ICA1L: variants seen among roughly 807,000 people sequenced by gnomAD.
ICA1L encodes islet cell autoantigen 1 like, also known as islet cell autoantigen 1-like protein.
Under a neutral mutation model 61.3 loss-of-function variants are expected in ICA1L, and 50 were observed. That is an observed-to-expected ratio of 0.82 (90% CI 0.65 to 1.03). The LOEUF is 1.03. Among genes scored for constraint, ICA1L ranks in the 50% least tolerant of loss-of-function variants. ICA1L has a pLI of 0.00. For synonymous variants in ICA1L, 161 were observed against 191.3 expected (o/e 0.84, Z 1.31); for missense variants, 508 against 556.7 (o/e 0.91, Z 0.88).
chr2:202,784,017 A>C (rs2105817021), intron 12 of ICA1L, among the ~76,000 whole-genome samples: 1 of 152,340 alleles, frequency 6.6e-6, no homozygotes, highest in Middle Eastern at 3.4e-3. Flanking sequence ...TCTTTCTATA[A>C]GTCTGAAATT....
chr2:202,870,900 G>C (rs567016138), intron 1 of ICA1L: 1 of 152,296 alleles, frequency 6.6e-6, no homozygotes, highest in African/African-American at 2.4e-5. Flanking sequence ...GTCTTCCTTA[G>C]AGCATCAGGT....
Position 202,855,005 on chromosome 2 carries a change from C to T in ICA1L, c.-8+16614G>A, listed in dbSNP as rs116890254. On this transcript the variant is annotated intron_variant, in intron 1 of 12. Transcript: ENST00000358299. ...ACAAAAAAAGAAACTCACTCAAAAC[C>T]GTACAGCTACATGGAAACTAAACAA... Among the ~76,000 whole-genome samples, 103 of 152,204 alleles carry T rather than the reference C, an allele frequency of 6.8e-4. 1 individual carries two copies. In the East Asian group the frequency reaches 0.017, roughly 25 times the overall value.
chr2:202,816,599 G>A (rs1693543341), intron 6 of ICA1L, among the ~76,000 whole-genome samples: 1 of 152,158 alleles, frequency 6.6e-6, no homozygotes, highest in South Asian at 2.1e-4. Context: ...CATAGCTATT[G>A]TGTTTCAGGC....
Position 202,776,685 on chromosome 2 carries a change from A to G in ICA1L, c.*2848T>C, listed in dbSNP as rs1368416522. 4 of 152,238 alleles carry G rather than the reference A, an allele frequency of 2.6e-5. No individual in the cohort carries two copies. The highest frequency in any genetic ancestry group is 4.8e-5 in the African/African-American group (2 of 41,462). The allele number at this position is 152,238 out of a possible 1,614,324, so 9.4% of individuals were successfully genotyped here. A position where few individuals can be genotyped will look rare whatever the true frequency, so the allele number is the denominator to read the frequency against. The stretch of plus-strand genomic sequence containing the variant: ...AATATAGTTACTGATATGCTCTTCA[A>G]AAACAGTGGTTGGACTTGTTGGAAG... On this transcript the variant is annotated 3_prime_UTR_variant, in exon 13 of 13. Coordinates refer to ENST00000358299, the MANE Select transcript of ICA1L (RefSeq NM_001288622.3).
intron 1 of ICA1L, 194 bp from the exon 2 acceptor site, chr2:202,829,210 G>A: frequency 3.2e-6 from 1 of 310,592 alleles, no homozygotes; most frequent in Non-Finnish European, 5.8e-6. Context: ...AATTAGCCGG[G>A]CATGGTGGCG....
intron 9 of ICA1L, among the ~76,000 whole-genome samples, chr2:202,809,801 C>T (rs1039529025): frequency 1.1e-4 from 17 of 151,530 alleles, no homozygotes; most frequent in African/African-American, 4.1e-4. Flanking sequence ...AAAACAAAAA[C>T]GAAAAAAGAA....
chr2:202,799,580 T>C (rs1445987725), intron 9 of ICA1L, among the ~76,000 whole-genome samples: 2 of 152,200 alleles, frequency 1.3e-5, no homozygotes, highest in African/African-American at 4.8e-5. Context: ...GCTACACTGT[T>C]GATAATTTAT....
At chr2:202,797,132 T>TTGTGTGTGTGTG (rs58006631) in intron 9 of ICA1L, among the ~76,000 whole-genome samples, 168 bp from the exon 10 acceptor site, 8,340 of 147,632 alleles carry the variant, frequency 0.056, 348 homozygotes, top group East Asian at 0.19. Flanking sequence ...AAAATCACAT[T>TTGTGTGTGTGTG]TGTGTGTGTG....
At chr2:202,793,774 G>C (rs1328735991) in intron 10 of ICA1L, among the ~76,000 whole-genome samples, 1 of 151,776 alleles carries the variant, frequency 6.6e-6, no homozygotes, top group East Asian at 1.9e-4. Context: ...AGCACCTGAG[G>C]TCAGGAGTTT....
At chr2:202,797,780 C>A (rs1210868898) in intron 9 of ICA1L, among the ~76,000 whole-genome samples, 1 of 152,230 alleles carries the variant, frequency 6.6e-6, no homozygotes, top group Non-Finnish European at 1.5e-5. Flanking sequence ...CCTCGGCCTC[C>A]CAAACTGCTG....
intron 12 of ICA1L, among the ~76,000 whole-genome samples, chr2:202,785,133 C>A (rs1692538704): frequency 6.6e-6 from 1 of 150,948 alleles, no homozygotes; most frequent in African/African-American, 2.4e-5. Flanking sequence ...GCAGGAGAAT[C>A]GCTTGGACCC....
intron 7 of ICA1L, 86 bp from the exon 8 acceptor site, chr2:202,814,870 G>T: frequency 1.1e-6 from 1 of 903,570 alleles, no homozygotes. Flanking sequence ...AAATTCTAAA[G>T]AACCATATGA....
At chr2:202,826,046 G>C (rs573486692) in intron 2 of ICA1L, among the ~76,000 whole-genome samples, 5 of 152,052 alleles carry the variant, frequency 3.3e-5, no homozygotes, top group African/African-American at 4.8e-5. Flanking sequence ...CCTCATCTCA[G>C]CTCCAAACTA....
intron 9 of ICA1L, among the ~76,000 whole-genome samples, chr2:202,800,523 T>A (rs1559131803): frequency 6.6e-6 from 1 of 152,212 alleles, no homozygotes; most frequent in Non-Finnish European, 1.5e-5. Flanking sequence ...TACTCCAGTC[T>A]GTATACATTG....
intron 9 of ICA1L, among the ~76,000 whole-genome samples, chr2:202,800,296 G>C (rs1188495537): frequency 6.6e-6 from 1 of 152,054 alleles, no homozygotes; most frequent in Non-Finnish European, 1.5e-5. Context: ...TCATACATAT[G>C]GCAAAAGATA....
At chr2:202,815,216 A>G (rs1318057656) in intron 7 of ICA1L, among the ~76,000 whole-genome samples, 1 of 152,230 alleles carries the variant, frequency 6.6e-6, no homozygotes, top group African/African-American at 2.4e-5. Flanking sequence ...AAAACAAAAA[A>G]CAACCTAATT....
chr2:202,828,426 C>A (rs1423994106), intron 2 of ICA1L, among the ~76,000 whole-genome samples: 1 of 152,056 alleles, frequency 6.6e-6, no homozygotes, highest in African/African-American at 2.4e-5. Context: ...ATAACTCTAT[C>A]TTTTAATAAA....
intron 12 of ICA1L, among the ~76,000 whole-genome samples, chr2:202,783,912 T>G (rs1574321955): frequency 7.0e-6 from 1 of 143,344 alleles, no homozygotes; most frequent in Non-Finnish European, 1.5e-5. Flanking sequence ...GATGGGGGGG[T>G]GGGGAAGAAA....
In ICA1L at chr2:202,796,896, C is replaced by T. The variant is rs1171152857; in HGVS notation, c.979G>A (p.Glu327Lys). The change falls in exon 10 of 13, where the codon GAA becomes AAA. Residue 327 changes from glutamate (E) to lysine (K), a missense_variant. By Grantham distance (56) the Glu-to-Lys change is moderately conservative (BLOSUM62 1). Coordinates refer to ENST00000358299, the MANE Select transcript of ICA1L (RefSeq NM_001288622.3). ...AGAGTGAAATGATTCTTACCATTTT[C>T]AGAGTTAGAAAACTGAGGTGCTCCA... is the stretch of plus-strand genomic sequence containing the variant. Reference protein sequence around the residue: ...EFGAPQFSNSENVAKDLPVDS... With the variant: ...EFGAPQFSNSKNVAKDLPVDS... 5 of 1,566,390 alleles carry T rather than the reference C, an allele frequency of 3.2e-6. No homozygotes were observed. Among genetic ancestry groups the T allele is most frequent in the Non-Finnish European group, 4.4e-6 (5 of 1,148,264 alleles).
Sources: gnomAD v4.1 joint callset for allele counts (sites outside exome capture counted in the v4.1 genomes callset) on GRCh38, gnomAD v4.1.1 for gene constraint, MANE v1.5 for transcripts, NCBI Gene and HGNC (gene_info 2026-07-23, HGNC 2026-07-21) for gene names.